Variants in EFCAB5 observed in about 807,000 individuals in gnomAD.
The protein encoded by EFCAB5 is EF-hand calcium-binding domain-containing protein 5.
A neutral mutation model predicts 167.9 loss-of-function variants in EFCAB5; 131 were observed. The observed-to-expected ratio is 0.78, with a 90% CI of 0.68 to 0.90. EFCAB5 has a LOEUF of 0.90. Ranked by LOEUF, EFCAB5 falls within the 40% of genes least tolerant of loss-of-function variation. The probability of loss-of-function intolerance (pLI) is 0.00; values close to 1 mark genes in which losing one functional copy is unlikely to be tolerated. For missense variants in EFCAB5, 1,663 were observed against 1,745.2 expected (o/e 0.95, Z 0.84); for synonymous variants, 574 against 602.8 (o/e 0.95, Z 0.70).
chr17:30,059,470 T>C, intron 13 of EFCAB5, 75 bp from the exon 14 acceptor site: 1 of 1,420,056 alleles, frequency 7.0e-7, no homozygotes, highest in Non-Finnish European at 9.3e-7. Context: ...GGACTTTTTT[T>C]GGAATAAACA....
At chr17:29,974,940 C>G (rs1009408629) in intron 4 of EFCAB5, among the ~76,000 whole-genome samples, 1 of 151,898 alleles carries the variant, frequency 6.6e-6, no homozygotes, top group Non-Finnish European at 1.5e-5. Flanking sequence ...CCTGTAATCC[C>G]AGCACTTTGA....
At chr17:29,986,578 C>T (rs1006070489) in intron 4 of EFCAB5, among the ~76,000 whole-genome samples, 1 of 149,288 alleles carries the variant, frequency 6.7e-6, no homozygotes, top group Non-Finnish European at 1.5e-5. Flanking sequence ...TGGCCAGGTC[C>T]AATTCTGCTT....
chr17:29,968,710 T>G, intron 3 of EFCAB5, 81 bp from the exon 4 acceptor site: 1 of 1,194,082 alleles, frequency 8.4e-7, no homozygotes, highest in Non-Finnish European at 1.1e-6. Flanking sequence ...ATATAAAAAT[T>G]TTTTCAAATA....
chr17:30,098,537 A>G (rs1597574543), intron 22 of EFCAB5, among the ~76,000 whole-genome samples: 2 of 129,512 alleles, frequency 1.5e-5, no homozygotes, highest in Non-Finnish European at 3.1e-5. Flanking sequence ...GTCTACAGAG[A>G]AAAAAAAAAA....
At chr17:29,992,042 TG>T (rs1350444359) in intron 4 of EFCAB5, among the ~76,000 whole-genome samples, 1 of 152,204 alleles carries the variant, frequency 6.6e-6, no homozygotes, top group African/African-American at 2.4e-5. Flanking sequence ...TGAGAACATT[TG>T]AAATTTACTC....
intron 3 of EFCAB5, among the ~76,000 whole-genome samples, chr17:29,951,545 C>T (rs949306773): frequency 2.7e-5 from 4 of 150,372 alleles, no homozygotes; most frequent in Admixed American, 6.6e-5. Context: ...TTAGTAGAGA[C>T]GGGGTTTCAC....
At chr17:29,993,124 G>A (rs73265747) in intron 4 of EFCAB5, 41 bp from the exon 5 acceptor site, 56,673 of 1,514,198 alleles carry the variant, frequency 0.037, 2,604 homozygotes, top group African/African-American at 0.23. Context: ...CCAAATCCAA[G>A]GGTATTAACT....
intron 8 of EFCAB5, 143 bp from the exon 9 acceptor site, chr17:30,050,975 A>C: frequency 1.5e-6 from 1 of 675,072 alleles, no homozygotes; most frequent in Non-Finnish European, 2.5e-6. Flanking sequence ...AACTTTCTTG[A>C]TTTTGATGCT....
chr17:30,059,505 C>G (rs778023465), intron 13 of EFCAB5, 40 bp from the exon 14 acceptor site: 1 of 1,530,798 alleles, frequency 6.5e-7, no homozygotes, highest in East Asian at 2.3e-5. Flanking sequence ...GCACAATGAA[C>G]ATATATCTTC....
intron 4 of EFCAB5, among the ~76,000 whole-genome samples, chr17:29,989,879 A>G (rs1047377506): frequency 1.3e-5 from 2 of 152,196 alleles, no homozygotes; most frequent in African/African-American, 4.8e-5. Context: ...AAAAAATGAT[A>G]TCCTAAACCT....
chr17:29,943,500 A>G, intron 2 of EFCAB5, 65 bp from the exon 3 acceptor site: 1 of 1,380,134 alleles, frequency 7.2e-7, no homozygotes, highest in South Asian at 1.3e-5. Flanking sequence ...AATTGGAATA[A>G]TTTATACAAC....
intron 7 of EFCAB5, among the ~76,000 whole-genome samples, chr17:30,017,079 A>G (rs2069061035): frequency 6.6e-6 from 1 of 151,958 alleles, no homozygotes; most frequent in Non-Finnish European, 1.5e-5. Flanking sequence ...CAAGAGGTTG[A>G]GGTGGGAGTA....
chr17:30,013,718 G>A (rs1204638627), intron 7 of EFCAB5, among the ~76,000 whole-genome samples: 30 of 143,346 alleles, frequency 2.1e-4, no homozygotes, highest in Admixed American at 7.1e-4. Context: ...TCTTGCTAGC[G>A]GTCTATCAAT....
intron 15 of EFCAB5, among the ~76,000 whole-genome samples, chr17:30,079,260 T>C (rs2070933356): frequency 6.6e-6 from 1 of 152,154 alleles, no homozygotes; most frequent in Non-Finnish European, 1.5e-5. Flanking sequence ...AGAGGCATTG[T>C]TCTAACTTGC....
At chr17:29,936,304 C>T (rs976380856) in intron 1 of EFCAB5, among the ~76,000 whole-genome samples, 11 of 151,020 alleles carry the variant, frequency 7.3e-5, no homozygotes, top group Non-Finnish European at 1.2e-4. Flanking sequence ...TGGGGCCTGT[C>T]GTGGGGTCGG....
chr17:30,104,144 A>G (rs2071416080), intron 22 of EFCAB5, among the ~76,000 whole-genome samples: 1 of 152,354 alleles, frequency 6.6e-6, no homozygotes, highest in African/African-American at 2.4e-5. Context: ...AACTAAAACT[A>G]AGAGAACTAA....
intron 14 of EFCAB5, among the ~76,000 whole-genome samples, chr17:30,070,577 T>A (rs1301168179): frequency 6.6e-6 from 1 of 152,102 alleles, no homozygotes; most frequent in East Asian, 1.9e-4. Flanking sequence ...CCAAGAACAT[T>A]CATTGGGGAA....
chr17:30,078,156 C>G, intron 14 of EFCAB5, 59 bp from the exon 15 acceptor site: 3 of 1,503,778 alleles, frequency 2.0e-6, no homozygotes, highest in Non-Finnish European at 2.7e-6. Flanking sequence ...GAATGAAAAT[C>G]CCCCCCACCA....
intron 4 of EFCAB5, among the ~76,000 whole-genome samples, chr17:29,991,578 T>C (rs2068420467): frequency 6.6e-6 from 1 of 152,270 alleles, no homozygotes. Context: ...GGCTTAGGAA[T>C]GCCTTAAGCG....
Sources: allele counts gnomAD v4.1 joint callset (sites outside exome capture counted in the v4.1 genomes callset), GRCh38; gene constraint gnomAD v4.1.1; transcripts MANE v1.5; gene names NCBI Gene and HGNC (gene_info 2026-07-23, HGNC 2026-07-21).